ERICH2: variants seen among roughly 807,000 people sequenced by gnomAD.
ERICH2 encodes glutamate rich 2.
Under a neutral mutation model 17.4 loss-of-function variants are expected in ERICH2, and 17 were observed. That is an observed-to-expected ratio of 0.98 (90% CI 0.67 to 1.47). The LOEUF (loss-of-function observed/expected upper bound fraction) is 1.47. Among genes scored for constraint, ERICH2 ranks in the 40% most tolerant of loss-of-function variants. ERICH2 has a pLI of 0.00. For missense variants in ERICH2, 186 were observed against 183.2 expected (o/e 1.01, Z -0.09); for synonymous variants, 51 against 61.1 (o/e 0.83, Z 0.77).
At chr2:170,779,822 T>C (rs1180739949), upstream of ERICH2, 1 of 984,824 alleles carries the variant, frequency 1.0e-6, no homozygotes, top group African/African-American at 1.7e-5. Context: ...AGACCAAGAT[T>C]GACAAGCAAA....
At chr2:170,772,643 G>A in the ERICH2 span, among the ~76,000 whole-genome samples, 1 of 152,178 alleles carries the variant, frequency 6.6e-6, no homozygotes, top group Non-Finnish European at 1.5e-5. Context: ...GTAAGTGATG[G>A]ATGATCCTTG....
intron 3 of ERICH2, among the ~76,000 whole-genome samples, chr2:170,794,071 TTTCCTTCC>T (rs201687694): frequency 6.6e-6 from 1 of 150,436 alleles, no homozygotes; most frequent in Non-Finnish European, 1.5e-5. Context: ...TCTTTCTTTC[TTTCCTTCC>T]TTCCTTCCTT....
At chr2:170,797,950 T>G (rs1166242726) in intron 3 of ERICH2, 91 bp from the exon 9 acceptor site, 2 of 823,588 alleles carry the variant, frequency 2.4e-6, no homozygotes, top group Non-Finnish European at 4.0e-6. Context: ...TCACCTGCTC[T>G]GACTGACAGT....
In ERICH2 at chr2:170,791,533, A is replaced by AAAAAAAAAC. The variant is rs562001249; in HGVS notation, c.217-1323_217-1322insACAAAAAAA. ...GGTGAAACCCCGTCTCTACTAAAAA[A>AAAAAAAAAC]AAAAAAATTAGCCGGGCGTGGTGGC... On this transcript the variant is annotated intron_variant, in intron 2 of 4. Coordinates refer to ENST00000409885, the Ensembl canonical transcript of ERICH2. Among the ~76,000 whole-genome samples the AAAAAAAAAC allele has an allele frequency of 2.1e-3, 299 of 145,158 alleles. 5 individuals are homozygous for AAAAAAAAAC. The South Asian group carries it at 0.025, about 12-fold the overall frequency.
chr2:170,798,015 A>G, intron 3 of ERICH2, 26 bp from the exon 9 acceptor site: 1 of 1,500,494 alleles, frequency 6.7e-7, no homozygotes, highest in South Asian at 1.2e-5. Context: ...AATAACACAC[A>G]TTCTGTTGTC....
chr2:170,794,963 C>A (rs1894920), intron 3 of ERICH2, among the ~76,000 whole-genome samples: 37,110 of 152,130 alleles, frequency 0.24, 5,494 homozygotes, highest in South Asian at 0.37. Context: ...TTTAGTCAAA[C>A]TTATTTTTGG....
the ERICH2 span, among the ~76,000 whole-genome samples, chr2:170,776,670 G>A: frequency 4.5e-4 from 68 of 152,184 alleles, no homozygotes; most frequent in African/African-American, 1.6e-3. Context: ...GAGCCACCGC[G>A]CCCGGCCTTA....
upstream of ERICH2, chr2:170,779,742 T>G: frequency 1.5e-6 from 1 of 683,936 alleles, no homozygotes; most frequent in Non-Finnish European, 1.8e-6. Flanking sequence ...TTTATCACCT[T>G]TTCTAAAATG....
chr2:170,786,242 TGTCTTAAAAG>T lies in ERICH2; in HGVS notation c.216+1417_216+1426del, dbSNP rs988574467. Among the ~76,000 whole-genome samples the T allele has an allele frequency of 1.8e-4, 27 of 152,272 alleles. 1 individual carries two copies. Among genetic ancestry groups the T allele is most frequent in the African/African-American group, 5.8e-4 (24 of 41,560 alleles). ...GCAATAAATTCTCTCAGCCTTGTTT[TGTCTTAAAAG>T]GTCTTAATTTCATTTTCATTTAAAA... On this transcript the variant is annotated intron_variant, in intron 2 of 4. Coordinates refer to ENST00000409885, the Ensembl canonical transcript of ERICH2.
At chr2:170,774,185 T>A in the ERICH2 span, among the ~76,000 whole-genome samples, 1 of 152,222 alleles carries the variant, frequency 6.6e-6, no homozygotes, top group Admixed American at 6.5e-5. Flanking sequence ...TAAACAAGTA[T>A]CAGTACTTTA....
chr2:170,793,418 G>T (rs1026824551), intron 3 of ERICH2, among the ~76,000 whole-genome samples: 1 of 152,246 alleles, frequency 6.6e-6, no homozygotes, highest in Non-Finnish European at 1.5e-5. Context: ...GCCATGGTGA[G>T]AAATAAAGTA....
At chr2:170,770,699 A>G in the ERICH2 span, 1 of 154,582 alleles carries the variant, frequency 6.5e-6, no homozygotes, top group Admixed American at 6.5e-5. Context: ...CCGACATTCC[A>G]ACCTTCTTTC....
chr2:170,774,564 C>CT, the ERICH2 span, among the ~76,000 whole-genome samples: 5 of 98,556 alleles, frequency 5.1e-5, 1 homozygote, highest in African/African-American at 1.1e-4. Context: ...AGAGCCCCAT[C>CT]TTTTTTTTTT....
the ERICH2 span, chr2:170,777,326 TATCTC>T: frequency 2.8e-6 from 2 of 723,516 alleles, no homozygotes; most frequent in South Asian, 1.3e-4. Context: ...TTATTTCAAA[TATCTC>T]AAACTAAAAT....
At chr2:170,793,177 C>T (rs572803784) in intron 3 of ERICH2, among the ~76,000 whole-genome samples, 1 of 152,304 alleles carries the variant, frequency 6.6e-6, no homozygotes, top group Admixed American at 6.5e-5. Context: ...ATTTTACCCT[C>T]ATGATGATGG....
At chr2:170,779,311 G>T (rs190674987), upstream of ERICH2, among the ~76,000 whole-genome samples, 1 of 152,256 alleles carries the variant, frequency 6.6e-6, no homozygotes. Context: ...TTTGCCAAAA[G>T]ATTTCATTTA....
intron 1 of ERICH2, chr2:170,784,006 G>A: frequency 4.0e-6 from 5 of 1,240,680 alleles, no homozygotes; most frequent in Non-Finnish European, 4.5e-6. Flanking sequence ...TTGTTGTTCT[G>A]TGTTTTCTTA....
upstream of ERICH2, chr2:170,783,717 C>T (rs1701081629): frequency 1.4e-6 from 2 of 1,400,660 alleles, no homozygotes; most frequent in African/African-American, 1.4e-5. Flanking sequence ...GTAAATGAGA[C>T]AGTTCCTGTG....
upstream of ERICH2, among the ~76,000 whole-genome samples, chr2:170,778,947 G>A (rs958197429): frequency 1.3e-5 from 2 of 152,160 alleles, no homozygotes; most frequent in Non-Finnish European, 2.9e-5. Flanking sequence ...GAAAAGCAGA[G>A]TGGCTACTTG....
Sources: gnomAD v4.1 joint callset for allele counts (sites outside exome capture counted in the v4.1 genomes callset) on GRCh38, gnomAD v4.1.1 for gene constraint, MANE v1.5 for transcripts, NCBI Gene and HGNC (gene_info 2026-07-23, HGNC 2026-07-21) for gene names.